The following ZHX3 variants were observed in gnomAD, a reference collection of about 807,000 sequenced individuals.
ZHX3 encodes zinc fingers and homeoboxes protein 3.
In ZHX3, 20 loss-of-function variants were observed where a neutral mutation model predicts 64.5. The observed-to-expected ratio is 0.31, with a 90% CI of 0.22 to 0.45. The LOEUF is 0.45. ZHX3 is among the 20% of genes least tolerant of loss of function. ZHX3 has a pLI of 1.00. For synonymous variants in ZHX3, 423 were observed against 461.6 expected (o/e 0.92, Z 1.07); for missense variants, 1,041 against 1,195.8 (o/e 0.87, Z 1.91).
intron 3 of ZHX3, among the ~76,000 whole-genome samples, chr20:41,189,556 T>C (rs138595692): frequency 2.2e-3 from 339 of 152,342 alleles, no homozygotes; most frequent in African/African-American, 7.6e-3. Context: ...ACTTCCTTGA[T>C]TAAATTTATT....
chr20:41,178,515 C>G lies in ZHX3; in HGVS notation c.*6676G>C, dbSNP rs2036128950. The G allele has an allele frequency of 6.6e-6, 1 of 152,652 alleles. No individual in the cohort carries two copies. Among genetic ancestry groups the G allele is most frequent in the East Asian group, 1.9e-4 (1 of 5,198 alleles). 9.5% of individuals were successfully genotyped at this position (152,652 alleles called of 1,614,324 possible). A position where few individuals can be genotyped will look rare whatever the true frequency, so the allele number is the denominator to read the frequency against. On this transcript the variant is annotated 3_prime_UTR_variant, in exon 4 of 4. Coordinates refer to ENST00000683867, the MANE Select transcript of ZHX3 (RefSeq NM_001384317.1). ...TTTGAAGTACCATTGAGGCCCATTTCAAATTGTACAAGCAATTTGTCCGTG... is the reference window on the plus strand; with the variant it reads ...TTTGAAGTACCATTGAGGCCCATTTGAAATTGTACAAGCAATTTGTCCGTG...
At chr20:41,222,171 G>A (rs779394492) in intron 2 of ZHX3, among the ~76,000 whole-genome samples, 5 of 152,348 alleles carry the variant, frequency 3.3e-5, no homozygotes, top group Admixed American at 1.3e-4. Context: ...GGTAGAGATG[G>A]AGGTAAGAAG....
At chr20:41,285,465 CT>C (rs1409616616) in intron 1 of ZHX3, among the ~76,000 whole-genome samples, 1 of 152,162 alleles carries the variant, frequency 6.6e-6, no homozygotes, top group Non-Finnish European at 1.5e-5. Flanking sequence ...TTGTTTGAGC[CT>C]CTGTTTCCCT....
At chr20:41,302,494 T>C (rs1411472497) in intron 1 of ZHX3, among the ~76,000 whole-genome samples, 2 of 152,138 alleles carry the variant, frequency 1.3e-5, no homozygotes, top group African/African-American at 2.4e-5. Context: ...AGGCAGGAGC[T>C]TCTCCATTCC....
chr20:41,233,661 G>A (rs1400360138), intron 2 of ZHX3, among the ~76,000 whole-genome samples: 1 of 152,208 alleles, frequency 6.6e-6, no homozygotes, highest in Non-Finnish European at 1.5e-5. Flanking sequence ...AGCATGAGTT[G>A]AAGCTCAAGG....
chr20:41,305,611 C>T (rs140683759), intron 1 of ZHX3, among the ~76,000 whole-genome samples: 10,726 of 151,970 alleles, frequency 0.071, 409 homozygotes, highest in Middle Eastern at 0.17. Flanking sequence ...GGTGAAACCC[C>T]GTCTCTACTA....
At chr20:41,245,646 G>T (rs1483020746) in intron 2 of ZHX3, among the ~76,000 whole-genome samples, 1 of 152,174 alleles carries the variant, frequency 6.6e-6, no homozygotes, top group Non-Finnish European at 1.5e-5. Context: ...AGGAAAGCAG[G>T]GCTGTCTTTC....
chr20:41,204,837 G>A lies in ZHX3; in HGVS notation c.80C>T (p.Ala27Val), dbSNP rs530190565. The A allele has an allele frequency of 6.9e-6, 11 of 1,601,808 alleles. No homozygotes were observed. The highest frequency in any genetic ancestry group is 4.5e-5 in the South Asian group (4 of 89,272). The stretch of plus-strand genomic sequence containing the variant: ...TTCAGGCAAGGTCTCAGCGGGCTGG[G>A]CCTCCATGCTGGCATCTTGCAACAC... ...TVVLQDASME[A>V]QPAETLPEGP... The change falls in exon 3 of 4, where the codon GCC becomes GTC. Residue 27 changes from alanine to valine, a missense_variant. Ala to Val is a moderately conservative substitution (Grantham distance 64). Around this residue, in one of 4 missense-constraint regions of ZHX3, gnomAD observed 358 missense variants for 369.1 expected, o/e 0.97. Transcript: ENST00000683867. This position sits in a 1 kb window ranked among gnomAD's most constrained non-coding sequence, Gnocchi z 6.6.
At chr20:41,258,359 C>G (rs2042377927) in intron 2 of ZHX3, among the ~76,000 whole-genome samples, 1 of 152,120 alleles carries the variant, frequency 6.6e-6, no homozygotes, top group Non-Finnish European at 1.5e-5. Flanking sequence ...AATATTAATA[C>G]TATTAACTAA....
At chr20:41,242,314 G>A (rs970470011) in intron 2 of ZHX3, among the ~76,000 whole-genome samples, 1 of 152,158 alleles carries the variant, frequency 6.6e-6, no homozygotes, top group African/African-American at 2.4e-5. Flanking sequence ...CAAGCAACAG[G>A]CAACAGCAAG....
intron 2 of ZHX3, among the ~76,000 whole-genome samples, chr20:41,268,570 G>A (rs1201900155): frequency 1.3e-5 from 2 of 152,134 alleles, no homozygotes; most frequent in African/African-American, 2.4e-5. Flanking sequence ...TGTAACCTGA[G>A]AATATGGCTT....
In ZHX3 at chr20:41,180,377, A is replaced by G. The variant is rs896200731; in HGVS notation, c.*4814T>C. On this transcript the variant is annotated 3_prime_UTR_variant, in exon 4 of 4. Transcript: ENST00000683867. The stretch of plus-strand genomic sequence containing the variant: ...GGTGCTTTCCCCTGTCCTTGTCCAT[A>G]TGGTAACCAGGGTCTGCCTAGTCTC... 5.2e-5 allele frequency: 8 copies of G among 152,404 alleles called. No homozygotes were observed. The highest frequency in any genetic ancestry group is 1.0e-4 in the Non-Finnish European group (7 of 68,080). The allele number at this position is 152,404 out of a possible 1,614,324, so 9.4% of individuals were successfully genotyped here.
chr20:41,293,886 G>A (rs939226092), intron 1 of ZHX3, among the ~76,000 whole-genome samples: 5 of 152,216 alleles, frequency 3.3e-5, no homozygotes, highest in African/African-American at 7.2e-5. Context: ...AGGATACAGA[G>A]AGTGAAAACC....
intron 1 of ZHX3, among the ~76,000 whole-genome samples, chr20:41,299,007 C>CT (rs1304250651): frequency 6.6e-6 from 1 of 152,218 alleles, no homozygotes; most frequent in African/African-American, 2.4e-5. Context: ...AGTGGGCATA[C>CT]TGGAAAACCC....
chr20:41,275,982 C>G (rs755094360), intron 1 of ZHX3, among the ~76,000 whole-genome samples: 2 of 152,106 alleles, frequency 1.3e-5, no homozygotes, highest in Non-Finnish European at 2.9e-5. Context: ...AGGCAGTGTC[C>G]GAAGAAACAG....
Position 41,201,454 on chromosome 20 carries a change from T to A in ZHX3, c.2860+603A>T. 8.5e-7 allele frequency: 1 copy of A among 1,175,862 alleles called. No individual in the cohort carries two copies. Among genetic ancestry groups the A allele is most frequent in the Non-Finnish European group, 1.1e-6 (1 of 876,524 alleles). The allele number at this position is 1,175,862 out of a possible 1,614,324, so 72.8% of individuals were successfully genotyped here. The stretch of plus-strand genomic sequence containing the variant: ...AACTATGTCTTAAATAAAAATAATC[T>A]TCTATGATACATTTTGCTTTCGAGT... On this transcript the variant is annotated intron_variant, in intron 3 of 3. Coordinates refer to ENST00000683867, the MANE Select transcript of ZHX3 (RefSeq NM_001384317.1). This position sits in a 1 kb window ranked among gnomAD's most constrained non-coding sequence, Gnocchi z 5.0.
At chr20:41,209,190 G>A (rs966941485) in intron 2 of ZHX3, among the ~76,000 whole-genome samples, 2 of 152,024 alleles carry the variant, frequency 1.3e-5, no homozygotes, top group Non-Finnish European at 2.9e-5. Context: ...CGAAATAAGA[G>A]GACACAAACA....
At chr20:41,237,802 A>G (rs539431551) in intron 2 of ZHX3, among the ~76,000 whole-genome samples, 7 of 152,370 alleles carry the variant, frequency 4.6e-5, no homozygotes, top group African/African-American at 1.7e-4. Context: ...TTTATTAACA[A>G]ACAGCATATT....
rs1193923795 is a variant in ZHX3, at chr20:41,224,511, G to A, written c.-150-19445C>T. On this transcript the variant is annotated intron_variant, in intron 2 of 3. Transcript: ENST00000683867. This position sits in a 1 kb window ranked among gnomAD's most constrained non-coding sequence, Gnocchi z 5.2. ...CATTCAAGATGTAGCCCAACCAGAA[G>A]AGAATTAAATGGAAGCTGTGTTTTC... is the stretch of plus-strand genomic sequence containing the variant. Among the ~76,000 whole-genome samples, 1 of 152,202 alleles carries A rather than the reference G, an allele frequency of 6.6e-6. No homozygotes were observed. Among genetic ancestry groups the A allele is most frequent in the Non-Finnish European group, 1.5e-5 (1 of 68,026 alleles).
Sources: gnomAD v4.1 joint callset for allele counts (sites outside exome capture counted in the v4.1 genomes callset) on GRCh38, gnomAD v4.1.1 for gene constraint, gnomAD v4.1.1 regional missense constraint, Gnocchi (gnomAD v3.1) non-coding constraint, MANE v1.5 for transcripts, NCBI Gene and HGNC (gene_info 2026-07-23, HGNC 2026-07-21) for gene names.